ACER3: variants seen among roughly 807,000 people sequenced by gnomAD.
ACER3 encodes alkaline ceramidase 3.
In ACER3, 16 loss-of-function variants were observed where a neutral mutation model predicts 48.9. The observed-to-expected ratio is 0.33, with a 90% CI of 0.22 to 0.50. The LOEUF is 0.50. Ranked by LOEUF, ACER3 falls within the 20% of genes least tolerant of loss-of-function variation. The probability of loss-of-function intolerance (pLI) is 0.98; values close to 1 mark genes in which losing one functional copy is unlikely to be tolerated. For missense variants in ACER3, 227 were observed against 326.0 expected, an observed-to-expected ratio of 0.70 and a Z score of 2.34; for synonymous variants, 109 against 107.8, an observed-to-expected ratio of 1.01 and a Z score of -0.07.
chr11:76,898,306 G>T (rs1164939342), intron 1 of ACER3, among the ~76,000 whole-genome samples: 1 of 152,154 alleles, frequency 6.6e-6, no homozygotes. Flanking sequence ...TACTAAAAAA[G>T]ATTTGTCTAC....
At chr11:76,874,399 A>T (rs566395345) in intron 1 of ACER3, among the ~76,000 whole-genome samples, 1 of 76,596 alleles carries the variant, frequency 1.3e-5, no homozygotes, top group African/African-American at 6.0e-5. Flanking sequence ...TAATAAAAAT[A>T]AGTTAAAAAA....
intron 3 of ACER3, among the ~76,000 whole-genome samples, chr11:76,959,680 G>A (rs1286234708): frequency 1.3e-5 from 2 of 151,874 alleles, no homozygotes; most frequent in Non-Finnish European, 2.9e-5. Context: ...AGCCTCCCAA[G>A]TAGCTAGGAC....
intron 1 of ACER3, among the ~76,000 whole-genome samples, chr11:76,910,275 T>G (rs1946344258): frequency 6.6e-6 from 1 of 152,130 alleles, no homozygotes; most frequent in African/African-American, 2.4e-5. Flanking sequence ...AGTATAATAA[T>G]AATAATAAAA....
chr11:76,954,551 ACT>A (rs1227214894), intron 2 of ACER3, among the ~76,000 whole-genome samples: 2 of 147,220 alleles, frequency 1.4e-5, no homozygotes, highest in African/African-American at 5.0e-5. Flanking sequence ...TAGCTCTATA[ACT>A]CCCCTTTTTT....
rs1232072389 is a variant in ACER3 at position 76,942,447 on chromosome 11, TATGTGATG to T, written c.214+15783_214+15790del. ...TATGGTTTTTGTTCTTCATTCTTTT[TATGTGATG>T]ATTTGCATTTATTGATTTGCATATG... On this transcript the variant is annotated intron_variant, in intron 2 of 10. Transcript: ENST00000532485. 8.5e-5 allele frequency among the ~76,000 whole-genome samples: 13 copies of T among 152,098 alleles called. 1 individual carries two copies. Among genetic ancestry groups the T allele is most frequent in the Non-Finnish European group, 1.5e-5 (1 of 67,966 alleles).
chr11:77,020,390 A>G lies in ACER3; in HGVS notation c.*63A>G. The G allele has an allele frequency of 6.4e-7, 1 of 1,556,862 alleles. No homozygotes were observed. Among genetic ancestry groups the G allele is most frequent in the Admixed American group, 1.7e-5 (1 of 57,858 alleles). On this transcript the variant is annotated 3_prime_UTR_variant, in exon 11 of 11. Transcript: ENST00000532485. ...ATAGACCTGGCAGAATAAATAAGGA[A>G]ATCCTTAAAGATCTACAAGTTCAAA... is the stretch of plus-strand genomic sequence containing the variant.
At chr11:76,934,423 C>T (rs1186151276) in intron 2 of ACER3, among the ~76,000 whole-genome samples, 2 of 152,354 alleles carry the variant, frequency 1.3e-5, no homozygotes, top group Non-Finnish European at 1.5e-5. Flanking sequence ...AACGAGACTC[C>T]GTCTGCAATC....
intron 1 of ACER3, among the ~76,000 whole-genome samples, chr11:76,870,956 A>G (rs1000905905): frequency 7.9e-5 from 12 of 152,232 alleles, no homozygotes; most frequent in South Asian, 6.2e-4. Flanking sequence ...ACAAAGTTCT[A>G]TGAGTGTATT....
At position 77,021,111 on chromosome 11, in the gene ACER3, T is replaced by G. The variant is rs1400051374; in HGVS notation, c.*784T>G. 6.6e-6 allele frequency: 1 copy of G among 152,256 alleles called. No homozygotes were observed. The highest frequency in any genetic ancestry group is 1.5e-5 in the Non-Finnish European group (1 of 68,050). The allele number at this position is 152,256 out of a possible 1,614,324, so 9.4% of individuals were successfully genotyped here. ...TCTTTGCAGATCTTTAAGTTGTCAC[T>G]GTTTCTACGGCTAGACAAATATGAC... On this transcript the variant is annotated 3_prime_UTR_variant, in exon 11 of 11. Coordinates refer to ENST00000532485, the MANE Select transcript of ACER3 (RefSeq NM_018367.7).
intron 1 of ACER3, among the ~76,000 whole-genome samples, chr11:76,907,568 T>C (rs1946266110): frequency 6.6e-6 from 1 of 152,188 alleles, no homozygotes; most frequent in African/African-American, 2.4e-5. Context: ...TATTTTTGAA[T>C]TGGATAAAAT....
At chr11:76,914,099 G>A (rs1028780344) in intron 1 of ACER3, among the ~76,000 whole-genome samples, 9 of 152,180 alleles carry the variant, frequency 5.9e-5, no homozygotes, top group Non-Finnish European at 1.0e-4. Context: ...AAAAACCCTG[G>A]AAGAAAACCT....
chr11:76,933,349 A>G (rs1304782760), intron 2 of ACER3, among the ~76,000 whole-genome samples: 8 of 143,330 alleles, frequency 5.6e-5, no homozygotes, highest in African/African-American at 2.0e-4. Context: ...TGGCAAGGTC[A>G]TAGGACAATA....
intron 8 of ACER3, among the ~76,000 whole-genome samples, chr11:77,016,183 G>T (rs1949365923): frequency 6.6e-6 from 1 of 151,392 alleles, no homozygotes; most frequent in Admixed American, 6.6e-5. Context: ...AAGAGCCTTA[G>T]ATATATCCAA....
intron 1 of ACER3, among the ~76,000 whole-genome samples, chr11:76,867,468 C>CAGAAAAAA (rs1945120760): frequency 5.1e-5 from 1 of 19,636 alleles, no homozygotes; most frequent in African/African-American, 1.6e-4. Context: ...GACTCTGTCT[C>CAGAAAAAA]AAAAAAAAAA....
At chr11:76,967,775 A>G (rs986686885) in intron 3 of ACER3, among the ~76,000 whole-genome samples, 1 of 152,230 alleles carries the variant, frequency 6.6e-6, no homozygotes, top group African/African-American at 2.4e-5. Context: ...TAAATTAGGT[A>G]TTGATGGGAC....
chr11:76,987,756 G>A (rs1267471316), intron 5 of ACER3, among the ~76,000 whole-genome samples: 1 of 152,178 alleles, frequency 6.6e-6, no homozygotes, highest in Non-Finnish European at 1.5e-5. Context: ...GGGCAACATA[G>A]TGAGACCTCG....
intron 7 of ACER3, among the ~76,000 whole-genome samples, chr11:77,008,937 A>G (rs1313568767): frequency 6.6e-6 from 1 of 152,132 alleles, no homozygotes; most frequent in Non-Finnish European, 1.5e-5. Flanking sequence ...ATGCATGCCT[A>G]TAGTCCTAGC....
intron 7 of ACER3, among the ~76,000 whole-genome samples, chr11:77,002,367 A>C (rs565867439): frequency 1.9e-3 from 291 of 152,268 alleles, no homozygotes; most frequent in African/African-American, 6.7e-3. Context: ...ATTTTATCAT[A>C]CTGTTTTATT....
At chr11:76,893,728 C>A (rs1199458373) in intron 1 of ACER3, among the ~76,000 whole-genome samples, 1 of 152,210 alleles carries the variant, frequency 6.6e-6, no homozygotes, top group East Asian at 1.9e-4. Context: ...TGATTTCATA[C>A]ACTCTAAACT....
Sources: gnomAD v4.1 joint callset for allele counts (sites outside exome capture counted in the v4.1 genomes callset) on GRCh38, gnomAD v4.1.1 for gene constraint, MANE v1.5 for transcripts, NCBI Gene and HGNC (gene_info 2026-07-23, HGNC 2026-07-21) for gene names.